Variants in BCR observed in about 807,000 individuals in gnomAD.
BCR encodes the protein breakpoint cluster region protein.
BCR carries 58 observed loss-of-function variants against 138.6 expected under a neutral mutation model. The ratio of observed to expected loss-of-function variants is 0.42; its 90% CI spans 0.34 to 0.52. The LOEUF is 0.52. Among genes scored for constraint, BCR ranks in the 20% least tolerant of loss-of-function variants. The pLI, the probability that BCR is intolerant of heterozygous loss-of-function variation, is 0.06. For missense variants in BCR, 1,599 were observed against 1,727.2 expected (o/e 0.93, Z 1.32); for synonymous variants, 786 against 730.1 (o/e 1.08, Z -1.23).
intron 10 of BCR, among the ~76,000 whole-genome samples, chr22:23,285,581 G>A (rs2073702401): frequency 6.6e-6 from 1 of 152,186 alleles, no homozygotes; most frequent in South Asian, 2.1e-4. Context: ...TTTAAACTGT[G>A]TCCAGTTTAT....
At position 23,289,671 on chromosome 22, in the gene BCR, G is replaced by A. The variant is rs530124425; in HGVS notation, c.2707+50G>A. 2.0e-5 allele frequency: 30 copies of A among 1,508,800 alleles called. No individual in the cohort carries two copies. In the East Asian group the frequency reaches 3.8e-4, roughly 19 times the overall value. 93.5% of individuals were successfully genotyped at this position (1,508,800 alleles called of 1,614,324 possible). ...AGGGCACCTGCAGGGAGGGCAGGCA[G>A]CTAGCCTGAAGGCTGATCCCCCCTT... On this transcript the variant is annotated intron_variant, in intron 13 of 22. Transcript: ENST00000305877.
chr22:23,284,189 A>G (rs2073682680), intron 9 of BCR, 91 bp downstream of exon 9: 2 of 1,529,942 alleles, frequency 1.3e-6, no homozygotes, highest in African/African-American at 1.4e-5. Context: ...GTCAGTGGTG[A>G]TGTAGCTCGT....
rs35727393 is a variant in BCR at position 23,285,069 on chromosome 22, G to A, written c.2274G>A (p.Pro758=). Residue 758 remains proline (P), a synonymous_variant, in exon 10 of 23, where the codon CCG becomes CCA. Transcript: ENST00000305877. ...AGTATGACTGCAAATGGTACATTCC[G>A]CTCACGGATCTCAGCTTCCAGATGG... The part of the protein sequence containing the change: ...TQQYDCKWYI[P]LTDLSFQMVD... 0.028 allele frequency: 44,916 copies of A among 1,613,964 alleles called. 790 individuals are homozygous for A. Among genetic ancestry groups the A allele is most frequent in the African/African-American group, 0.039 (2,949 of 75,030 alleles).
At chr22:23,283,719 C>T in intron 8 of BCR, 1 of 441,518 alleles carries the variant, frequency 2.3e-6, no homozygotes, top group East Asian at 4.7e-5. Flanking sequence ...CACCCTCTTC[C>T]AAAGGCTGAA....
At chr22:23,214,136 G>T (rs768235537) in intron 1 of BCR, among the ~76,000 whole-genome samples, 1 of 151,580 alleles carries the variant, frequency 6.6e-6, no homozygotes. Context: ...TGTTGTTATC[G>T]TAGTTGCTGT....
intron 10 of BCR, 67 bp downstream of exon 10, chr22:23,285,268 C>T: frequency 1.3e-6 from 2 of 1,508,100 alleles, no homozygotes; most frequent in South Asian, 1.3e-5. Flanking sequence ...CGCACACGGC[C>T]AGTGGGTGCT....
chr22:23,191,854 C>T (rs1362777520), intron 1 of BCR, among the ~76,000 whole-genome samples: 1 of 152,116 alleles, frequency 6.6e-6, no homozygotes, highest in African/African-American at 2.4e-5. Context: ...GGTGGCCCGG[C>T]GATGAAACGT....
chr22:23,181,277 A>G lies in BCR; in HGVS notation c.317A>G (p.Asp106Gly). 1 of 1,291,172 alleles carries G rather than the reference A, an allele frequency of 7.7e-7. No homozygotes were observed. Among genetic ancestry groups the G allele is most frequent in the Non-Finnish European group, 9.9e-7 (1 of 1,013,968 alleles). 80.0% of individuals were successfully genotyped at this position (1,291,172 alleles called of 1,614,324 possible). A position where few individuals can be genotyped will look rare whatever the true frequency, so the allele number is the denominator to read the frequency against. ...RPQPAPADGA[D>G]PPPAEEPEAR... The stretch of plus-strand genomic sequence containing the variant: ...CAGCCAGCGCCCGCCGACGGAGCCG[A>G]CCCGCCGCCCGCCGAGGAGCCCGAG... The change falls in exon 1 of 23, where the codon GAC becomes GGC. Residue 106 changes from aspartate to glycine, a missense_variant. Physicochemically the swap from Asp to Gly is moderately conservative, Grantham distance 94 (BLOSUM62 -1). Transcript: ENST00000305877.
In BCR at chr22:23,257,259, T is replaced by C. The variant is rs189576473; in HGVS notation, c.1461+3279T>C. Among the ~76,000 whole-genome samples the C allele has an allele frequency of 6.4e-4, 97 of 152,294 alleles. No individual in the cohort carries two copies. The East Asian group carries it at 0.016, about 25-fold the overall frequency. Reference sequence around the variant, plus strand: ...TCTTGTCTCCACCCCACCCCGTCCATGCCCTGAGCCAGATGTTCCCTGAGC... The same window carrying C: ...TCTTGTCTCCACCCCACCCCGTCCACGCCCTGAGCCAGATGTTCCCTGAGC... On this transcript the variant is annotated intron_variant, in intron 2 of 22. Coordinates refer to ENST00000305877, the MANE Select transcript of BCR (RefSeq NM_004327.4).
chr22:23,275,936 C>T (rs2073570885), intron 8 of BCR, among the ~76,000 whole-genome samples: 1 of 152,200 alleles, frequency 6.6e-6, no homozygotes, highest in African/African-American at 2.4e-5. Context: ...AGGGCCTTCT[C>T]AGTGCTCGGA....
chr22:23,314,567 G>C lies in BCR; in HGVS notation c.3579G>C (p.Glu1193Asp), dbSNP rs55994703. The stretch of plus-strand genomic sequence containing the variant: ...TCCTCTACAGGGTGGCAGAGAAGGA[G>C]GCAGTCAATAAGATGTCCCTGCACA... Reference protein sequence around the residue: ...LDHLKRVAEKEAVNKMSLHNL... With the variant: ...LDHLKRVAEKDAVNKMSLHNL... Residue 1193 changes from glutamate (E) to aspartate (D), a missense_variant, in exon 22 of 23, where the codon GAG (glutamate) becomes GAC (aspartate). Physicochemically the swap from Glu to Asp is conservative, Grantham distance 45 (BLOSUM62 2). Coordinates refer to ENST00000305877, the MANE Select transcript of BCR (RefSeq NM_004327.4). The C allele has an allele frequency of 6.2e-7, 1 of 1,611,866 alleles. No homozygotes were observed. The highest frequency in any genetic ancestry group is 8.5e-7 in the Non-Finnish European group (1 of 1,179,848).
intron 9 of BCR, among the ~76,000 whole-genome samples, chr22:23,284,576 C>G (rs1195401446): frequency 6.6e-6 from 1 of 152,178 alleles, no homozygotes; most frequent in African/African-American, 2.4e-5. Context: ...GGGGCTCTTT[C>G]CTGCATCCTG....
chr22:23,285,070 C>T lies in BCR; in HGVS notation c.2275C>T (p.Leu759Phe). 1.2e-6 allele frequency: 2 copies of T among 1,614,116 alleles called. No individual in the cohort carries two copies. Among genetic ancestry groups the T allele is most frequent in the Non-Finnish European group, 1.7e-6 (2 of 1,180,006 alleles). ...GTATGACTGCAAATGGTACATTCCGCTCACGGATCTCAGCTTCCAGATGGT... is the reference window on the plus strand; with the variant it reads ...GTATGACTGCAAATGGTACATTCCGTTCACGGATCTCAGCTTCCAGATGGT... ...QQYDCKWYIP[L>F]TDLSFQMVDE... The change falls in exon 10 of 23, where the codon CTC becomes TTC. Residue 759 changes from leucine (L) to phenylalanine (F), a missense_variant. Around this residue, in one of 4 missense-constraint regions of BCR, gnomAD observed 590 missense variants for 762.4 expected, o/e 0.77. Transcript: ENST00000305877.
chr22:23,273,822 G>C (rs769488322), intron 8 of BCR, 48 bp downstream of exon 8: 1 of 1,608,094 alleles, frequency 6.2e-7, no homozygotes, highest in African/African-American at 1.3e-5. Flanking sequence ...TGCTGAGCTG[G>C]GGGCATGCAG....
intron 1 of BCR, chr22:23,243,060 T>A (rs753676994): frequency 3.5e-6 from 1 of 285,008 alleles, no homozygotes; most frequent in African/African-American, 2.2e-5. Flanking sequence ...TATTGTGATA[T>A]AAGAAACCTG....
chr22:23,262,448 G>A (rs2073372283), intron 4 of BCR, among the ~76,000 whole-genome samples: 1 of 152,224 alleles, frequency 6.6e-6, no homozygotes, highest in Non-Finnish European at 1.5e-5. Flanking sequence ...AACACAGAAG[G>A]CACTTAATTT....
chr22:23,188,891 G>T (rs1361197895), intron 1 of BCR, among the ~76,000 whole-genome samples: 1 of 151,886 alleles, frequency 6.6e-6, no homozygotes, highest in African/African-American at 2.4e-5. Flanking sequence ...TTTCAAGACG[G>T]GGTCTCACTC....
intron 13 of BCR, 114 bp from the exon 14 acceptor site, chr22:23,290,225 C>T (rs1199227154): frequency 1.9e-6 from 2 of 1,048,972 alleles, no homozygotes; most frequent in Non-Finnish European, 3.0e-6. Flanking sequence ...TTGTGCCAGG[C>T]AGATGGCAGC....
chr22:23,273,413 G>A (rs1478306753), intron 7 of BCR, among the ~76,000 whole-genome samples: 1 of 152,194 alleles, frequency 6.6e-6, no homozygotes, highest in Non-Finnish European at 1.5e-5. Context: ...TTGGCCATGT[G>A]CATGCAGCGT....
Sources: allele counts gnomAD v4.1 joint callset (sites outside exome capture counted in the v4.1 genomes callset), GRCh38; gene constraint gnomAD v4.1.1; regional missense constraint gnomAD v4.1.1; transcripts MANE v1.5; gene names NCBI Gene and HGNC (gene_info 2026-07-23, HGNC 2026-07-21).